CFAP299: variants seen among roughly 807,000 people sequenced by gnomAD.
CFAP299 encodes the protein cilia and flagella associated protein 299.
A neutral mutation model predicts 27.0 loss-of-function variants in CFAP299; 21 were observed. The ratio of observed to expected loss-of-function variants is 0.78; its 90% CI spans 0.55 to 1.12. CFAP299 has a LOEUF of 1.12. CFAP299 is among the 50% of genes most tolerant of loss of function. CFAP299 has a pLI of 0.00. For synonymous variants in CFAP299, 104 were observed against 98.1 expected (o/e 1.06, Z -0.36); for missense variants, 310 against 276.6 (o/e 1.12, Z -0.86).
chr4:80,939,686 T>G (rs1195595796), intron 4 of CFAP299, among the ~76,000 whole-genome samples: 5 of 152,218 alleles, frequency 3.3e-5, no homozygotes, highest in African/African-American at 9.6e-5. Flanking sequence ...TTATTTTGTT[T>G]CTTTGGTAGT....
intron 2 of CFAP299, among the ~76,000 whole-genome samples, chr4:80,447,594 A>G (rs1311233414): frequency 6.6e-6 from 1 of 152,024 alleles, no homozygotes; most frequent in East Asian, 1.9e-4. Context: ...AGCTGGGACT[A>G]CAGGTATGCG....
In CFAP299 at chr4:80,335,765, C is replaced by A. The variant is rs748478258; in HGVS notation, c.-4C>A. The A allele has an allele frequency of 2.5e-6, 4 of 1,591,246 alleles. No individual in the cohort carries two copies. The East Asian group carries it at 6.7e-5, about 27-fold the overall frequency. ...CTAGGGACGCTTCGGCCGAGGATAC[C>A]GCAATGGATCAGGAAGAGGGGCTGA... On this transcript the variant is annotated 5_prime_UTR_variant, in exon 1 of 6. Transcript: ENST00000358105.
chr4:80,934,415 A>G lies in CFAP299; in HGVS notation c.477-10395A>G, dbSNP rs183056407. Reference sequence around the variant, plus strand: ...TTTGGCTTTTGTATCAGGATAAAGTAGGCCCCATAAGATGAATTTTGAAAT... The same window carrying G: ...TTTGGCTTTTGTATCAGGATAAAGTGGGCCCCATAAGATGAATTTTGAAAT... On this transcript the variant is annotated intron_variant, in intron 4 of 5. Coordinates refer to ENST00000358105, the MANE Select transcript of CFAP299 (RefSeq NM_152770.3). 4.0e-3 allele frequency among the ~76,000 whole-genome samples: 616 copies of G among 152,170 alleles called. 1 individual carries two copies. The highest frequency in any genetic ancestry group is 0.014 in the Middle Eastern group (4 of 294).
At chr4:80,355,095 C>T (rs1360704643) in intron 1 of CFAP299, among the ~76,000 whole-genome samples, 1 of 152,090 alleles carries the variant, frequency 6.6e-6, no homozygotes, top group Non-Finnish European at 1.5e-5. Context: ...TGAGGAATTG[C>T]TGCACTATCT....
At chr4:80,582,688 C>T (rs1047848224) in intron 2 of CFAP299, among the ~76,000 whole-genome samples, 2 of 151,824 alleles carry the variant, frequency 1.3e-5, no homozygotes, top group Non-Finnish European at 2.9e-5. Context: ...ATGCTCTACT[C>T]CAGTAACTGC....
At chr4:80,330,791 G>A (rs948928208), upstream of CFAP299, among the ~76,000 whole-genome samples, 6 of 151,278 alleles carry the variant, frequency 4.0e-5, no homozygotes, top group Middle Eastern at 7.0e-3. Context: ...GTCCTCATAC[G>A]GATTGTAATG....
rs548676898 is a variant in CFAP299 at position 80,942,313 on chromosome 4, T to C, written c.477-2497T>C. Among the ~76,000 whole-genome samples the C allele has an allele frequency of 4.1e-3, 618 of 152,110 alleles. 1 individual carries two copies. Among genetic ancestry groups the C allele is most frequent in the Middle Eastern group, 0.014 (4 of 294 alleles). On this transcript the variant is annotated intron_variant, in intron 4 of 5. Coordinates refer to ENST00000358105, the MANE Select transcript of CFAP299 (RefSeq NM_152770.3). ...GCGTTAGTCAGTGCAGGCTCTGGAG[T>C]CAGTCTTTAACGTTGGAATCCAAGT...
chr4:80,844,273 A>G (rs1209476942), intron 3 of CFAP299, among the ~76,000 whole-genome samples: 3 of 152,148 alleles, frequency 2.0e-5, no homozygotes, highest in African/African-American at 7.2e-5. Context: ...ATACCTAGTA[A>G]TGGGATGGCT....
intron 2 of CFAP299, among the ~76,000 whole-genome samples, chr4:80,509,970 A>C (rs1473919755): frequency 6.6e-6 from 1 of 151,826 alleles, no homozygotes; most frequent in Non-Finnish European, 1.5e-5. Context: ...TATCAGCTTC[A>C]TGGACAAGCA....
Position 80,894,315 on chromosome 4 carries a change from T to C in CFAP299, c.476+24180T>C, listed in dbSNP as rs73829184. Among the ~76,000 whole-genome samples, 1,175 of 152,122 alleles carry C rather than the reference T, an allele frequency of 7.7e-3. 3 individuals carry two copies. The highest frequency in any genetic ancestry group is 0.014 in the Middle Eastern group (4 of 294). On this transcript the variant is annotated intron_variant, in intron 4 of 5. Coordinates refer to ENST00000358105, the MANE Select transcript of CFAP299 (RefSeq NM_152770.3). ...TTCCCCCCAGAGATGTTGTGAATTATTTATATGCTTATTAAATACCTCTGT... is the reference window on the plus strand; with the variant it reads ...TTCCCCCCAGAGATGTTGTGAATTACTTATATGCTTATTAAATACCTCTGT...
intron 2 of CFAP299, among the ~76,000 whole-genome samples, chr4:80,400,326 T>C (rs977131593): frequency 6.6e-6 from 1 of 152,144 alleles, no homozygotes; most frequent in South Asian, 2.1e-4. Flanking sequence ...ATTTTCTCCA[T>C]TTCACAAATG....
chr4:80,327,856 C>T, the CFAP299 span, among the ~76,000 whole-genome samples: 1 of 143,800 alleles, frequency 7.0e-6, no homozygotes, highest in Non-Finnish European at 1.5e-5. Context: ...CTGGAACATT[C>T]AAACATGTAG....
chr4:80,514,547 G>A (rs58112950), intron 2 of CFAP299, among the ~76,000 whole-genome samples: 4,825 of 152,054 alleles, frequency 0.032, 279 homozygotes, highest in African/African-American at 0.11. Context: ...TGACTGGCAA[G>A]CCCTTACCAA....
chr4:80,400,185 C>A (rs141721965), intron 2 of CFAP299, among the ~76,000 whole-genome samples: 2 of 151,988 alleles, frequency 1.3e-5, no homozygotes, highest in Non-Finnish European at 2.9e-5. Flanking sequence ...TCAACTGATC[C>A]GAGTGTATTT....
At chr4:80,475,093 T>TG (rs538466228) in intron 2 of CFAP299, among the ~76,000 whole-genome samples, 1 of 151,980 alleles carries the variant, frequency 6.6e-6, no homozygotes, top group Non-Finnish European at 1.5e-5. Flanking sequence ...TGTGGCCTGT[T>TG]GGGGGGTAGT....
intron 1 of CFAP299, among the ~76,000 whole-genome samples, chr4:80,348,080 A>C (rs957781513): frequency 2.6e-5 from 4 of 152,208 alleles, no homozygotes; most frequent in Non-Finnish European, 5.9e-5. Flanking sequence ...CGTTGGGAGA[A>C]CTGGTTAGTT....
chr4:80,592,578 T>G (rs1329409520), intron 3 of CFAP299, among the ~76,000 whole-genome samples: 2 of 152,200 alleles, frequency 1.3e-5, no homozygotes, highest in Non-Finnish European at 2.9e-5. Flanking sequence ...AAGAAAGTTT[T>G]TAATAAAAAT....
At chr4:80,834,168 G>A (rs1466788910) in intron 3 of CFAP299, among the ~76,000 whole-genome samples, 1 of 152,072 alleles carries the variant, frequency 6.6e-6, no homozygotes, top group Non-Finnish European at 1.5e-5. Context: ...CATTCACATT[G>A]GGTAATACTC....
At chr4:80,706,229 T>G (rs1721809187) in intron 3 of CFAP299, among the ~76,000 whole-genome samples, 2 of 151,718 alleles carry the variant, frequency 1.3e-5, no homozygotes, top group African/African-American at 4.8e-5. Context: ...TTGCTAAATA[T>G]TTTCTGATAT....
Sources: allele counts gnomAD v4.1 joint callset (sites outside exome capture counted in the v4.1 genomes callset), GRCh38; gene constraint gnomAD v4.1.1; transcripts MANE v1.5; gene names NCBI Gene and HGNC (gene_info 2026-07-23, HGNC 2026-07-21).